The following RARS1 variants were observed in gnomAD, a reference collection of about 807,000 sequenced individuals.
The protein encoded by RARS1 is arginyl-tRNA synthetase 1.
A neutral mutation model predicts 78.7 loss-of-function variants in RARS1; 75 were observed. That is an observed-to-expected ratio of 0.95 (90% CI 0.79 to 1.15). The LOEUF is 1.15. Among genes scored for constraint, RARS1 ranks in the 50% most tolerant of loss-of-function variants. The pLI is 0.00. For synonymous variants in RARS1, 273 were observed against 268.2 expected (o/e 1.02, Z -0.18); for missense variants, 787 against 787.5 (o/e 1.00, Z 0.01).
Position 168,508,079 on chromosome 5 carries a change from AC to A in RARS1, c.1346+1249del, listed in dbSNP as rs1467612141. On this transcript the variant is annotated intron_variant, in intron 11 of 14. Coordinates refer to ENST00000231572, the MANE Select transcript of RARS1 (RefSeq NM_002887.4). Reference sequence around the variant, plus strand: ...TAAGTCCTTATTATAGTGTTTATGGACATAAAGTTTTTTAAAACAAACCAGT... The same window carrying A: ...TAAGTCCTTATTATAGTGTTTATGGAATAAAGTTTTTTAAAACAAACCAGT... Among the ~76,000 whole-genome samples the A allele has an allele frequency of 8.5e-5, 13 of 152,276 alleles. 1 individual carries two copies. The East Asian group carries it at 2.3e-3, about 27-fold the overall frequency.
rs750893765 is a variant in RARS1, at chr5:168,516,384, T to A, written c.1453-394T>A. ...ATACACCCTTGATTTCAATTAATTATTTAACGCTAACTTTTTGTTTGTATT... is the reference window on the plus strand; with the variant it reads ...ATACACCCTTGATTTCAATTAATTAATTAACGCTAACTTTTTGTTTGTATT... On this transcript the variant is annotated intron_variant, in intron 12 of 14. Transcript: ENST00000231572. 5.9e-5 allele frequency among the ~76,000 whole-genome samples: 9 copies of A among 152,276 alleles called. No homozygotes were observed. In the South Asian group the frequency reaches 1.9e-3, roughly 32 times the overall value.
chr5:168,488,493 C>A (rs76376959), intron 1 of RARS1, 109 bp from the exon 2 acceptor site: 1 of 1,197,630 alleles, frequency 8.3e-7, no homozygotes. Flanking sequence ...AGAAACACAG[C>A]TCATCAAAGG....
chr5:168,492,728 T>G lies in RARS1; in HGVS notation c.250T>G (p.Phe84Val). 2 of 1,613,250 alleles carry G rather than the reference T, an allele frequency of 1.2e-6. No homozygotes were observed. The highest frequency in any genetic ancestry group is 1.7e-6 in the Non-Finnish European group (2 of 1,179,164). The change falls in exon 3 of 15, where the codon TTT (phenylalanine) becomes GTT (valine). Residue 84 changes from phenylalanine (F) to valine (V), a missense_variant. Physicochemically the swap from Phe to Val is conservative, Grantham distance 50 (BLOSUM62 -1). Coordinates refer to ENST00000231572, the MANE Select transcript of RARS1 (RefSeq NM_002887.4). ...INIISRLQEV[F>V]GHAIKAAYPD... The stretch of plus-strand genomic sequence containing the variant: ...CATTATTAGCCGCCTACAAGAGGTC[T>G]TTGGTCATGCAATTAAGGCTGCATA...
chr5:168,497,789 G>GCCATC (rs1351938502), intron 7 of RARS1, among the ~76,000 whole-genome samples: 1 of 151,700 alleles, frequency 6.6e-6, no homozygotes, highest in East Asian at 1.9e-4. Flanking sequence ...CTTAGAAACA[G>GCCATC]CCATCCCCTA....
At chr5:168,500,074 G>C (rs1758282554) in intron 7 of RARS1, among the ~76,000 whole-genome samples, 1 of 151,758 alleles carries the variant, frequency 6.6e-6, no homozygotes, top group African/African-American at 2.4e-5. Flanking sequence ...TGTAATCCCA[G>C]CTACTTGGAG....
chr5:168,511,184 C>T (rs1044304650), intron 12 of RARS1, among the ~76,000 whole-genome samples: 1 of 148,200 alleles, frequency 6.7e-6, no homozygotes, highest in Non-Finnish European at 1.5e-5. Flanking sequence ...ATTGAAAAGT[C>T]AACAAGAAAA....
At chr5:168,500,837 A>G in intron 8 of RARS1, 117 bp downstream of exon 8, 1 of 1,257,562 alleles carries the variant, frequency 8.0e-7, no homozygotes, top group Non-Finnish European at 1.1e-6. Flanking sequence ...AGGCAAATAG[A>G]TTTTTTCTTA....
At chr5:168,504,784 C>T (rs1758403380) in intron 9 of RARS1, among the ~76,000 whole-genome samples, 1 of 151,864 alleles carries the variant, frequency 6.6e-6, no homozygotes, top group Non-Finnish European at 1.5e-5. Context: ...GAGATCGCAC[C>T]ACTGCACTCC....
intron 5 of RARS1, 92 bp from the exon 6 acceptor site, chr5:168,495,223 T>C: frequency 6.7e-7 from 1 of 1,484,668 alleles, no homozygotes; most frequent in Non-Finnish European, 9.0e-7. Flanking sequence ...ATGAATGCAT[T>C]GGAACAAAAT....
intron 12 of RARS1, among the ~76,000 whole-genome samples, chr5:168,516,378 T>G (rs1216741833): frequency 1.3e-5 from 2 of 152,170 alleles, no homozygotes; most frequent in African/African-American, 4.8e-5. Context: ...TGATTTCAAT[T>G]AATTATTTAA....
chr5:168,518,089 T>TTTTTTTTTTTTTTTA, intron 14 of RARS1, 27 bp downstream of exon 14: 1 of 1,430,986 alleles, frequency 7.0e-7, no homozygotes, highest in Non-Finnish European at 9.1e-7. Flanking sequence ...TTTTTTTTTT[T>TTTTTTTTTTTTTTTA]TTTTTTAGTG....
At position 168,507,540 on chromosome 5, in the gene RARS1, G is replaced by T. The variant is rs1298237181; in HGVS notation, c.1346+709G>T. ...TAAATATTTCCATCCTACAAACGTG[G>T]TCATGCTTCTAAAAAACCACATGAA... On this transcript the variant is annotated intron_variant, in intron 11 of 14. Transcript: ENST00000231572. Among the ~76,000 whole-genome samples the T allele has an allele frequency of 7.2e-5, 11 of 152,214 alleles. No individual in the cohort carries two copies. In the South Asian group the frequency reaches 1.5e-3, roughly 20 times the overall value.
At chr5:168,501,946 G>A in intron 8 of RARS1, 55 bp from the exon 9 acceptor site, 7 of 1,551,040 alleles carry the variant, frequency 4.5e-6, no homozygotes, top group Non-Finnish European at 6.0e-6. Flanking sequence ...CATGTTTCCT[G>A]TTTTTAAAAA....
intron 9 of RARS1, among the ~76,000 whole-genome samples, chr5:168,504,679 G>T (rs2152905130): frequency 6.6e-6 from 1 of 151,316 alleles, no homozygotes; most frequent in South Asian, 2.1e-4. Flanking sequence ...CAAAAAATTA[G>T]CTGGGCGTGT....
Position 168,509,007 on chromosome 5 carries a change from A to G in RARS1, c.1347-1574A>G, listed in dbSNP as rs541688773. Among the ~76,000 whole-genome samples the G allele has an allele frequency of 7.2e-5, 11 of 152,186 alleles. No homozygotes were observed. In the East Asian group the frequency reaches 1.9e-3, roughly 27 times the overall value. Reference sequence around the variant, plus strand: ...TATTAGGCATCTGTTTTTTTTTTAAAGCTCTCGGTATTCAGATACGCATCC... The same window carrying G: ...TATTAGGCATCTGTTTTTTTTTTAAGGCTCTCGGTATTCAGATACGCATCC... On this transcript the variant is annotated intron_variant, in intron 11 of 14. Transcript: ENST00000231572.
At chr5:168,498,269 G>A (rs1024121123) in intron 7 of RARS1, among the ~76,000 whole-genome samples, 4 of 151,738 alleles carry the variant, frequency 2.6e-5, no homozygotes, top group South Asian at 2.1e-4. Context: ...AAAAAAAAAT[G>A]AATTATACCA....
chr5:168,494,262 A>T, intron 4 of RARS1: 1 of 985,436 alleles, frequency 1.0e-6, no homozygotes, highest in South Asian at 4.7e-5. Flanking sequence ...ATAATGGCAG[A>T]TAAGTCTTCG....
At chr5:168,498,512 A>G (rs1196944681) in intron 7 of RARS1, among the ~76,000 whole-genome samples, 1 of 152,140 alleles carries the variant, frequency 6.6e-6, no homozygotes, top group African/African-American at 2.4e-5. Flanking sequence ...TTTTTGTATT[A>G]TATTTAATAT....
intron 12 of RARS1, among the ~76,000 whole-genome samples, chr5:168,515,791 C>G (rs1377779793): frequency 6.6e-6 from 1 of 152,214 alleles, no homozygotes; most frequent in African/African-American, 2.4e-5. Flanking sequence ...CACACAGCTG[C>G]TGAAATCACT....
Sources: gnomAD v4.1 joint callset for allele counts (sites outside exome capture counted in the v4.1 genomes callset) on GRCh38, gnomAD v4.1.1 for gene constraint, MANE v1.5 for transcripts, NCBI Gene and HGNC (gene_info 2026-07-23, HGNC 2026-07-21) for gene names.